The following CSMD1 variants were observed in gnomAD, a reference collection of about 807,000 sequenced individuals.
CSMD1 encodes the protein CUB and sushi domain-containing protein 1.
A neutral mutation model predicts 417.5 loss-of-function variants in CSMD1; 213 were observed. The observed-to-expected ratio is 0.51, with a 90% CI of 0.46 to 0.57. CSMD1 has a LOEUF of 0.57. Ranked by LOEUF, CSMD1 falls within the 20% of genes least tolerant of loss-of-function variation. The probability of loss-of-function intolerance (pLI) is 0.00; values close to 1 mark genes in which losing one functional copy is unlikely to be tolerated. For synonymous variants in CSMD1, 2,862 were observed against 1,736.8 expected (o/e 1.65, Z -16.11); for missense variants, 6,923 against 4,529.7 (o/e 1.53, Z -15.17).
intron 5 of CSMD1, among the ~76,000 whole-genome samples, chr8:3,957,563 A>T (rs563412827): frequency 6.6e-6 from 1 of 152,232 alleles, no homozygotes; most frequent in Non-Finnish European, 1.5e-5. Context: ...GCATACTTGT[A>T]GTCCCAGCTA....
At chr8:4,236,026 G>GTTTTTTTTTTTTTTTTTTTTTTTTTTT (rs147378202) in intron 3 of CSMD1, among the ~76,000 whole-genome samples, 3 of 108,086 alleles carry the variant, frequency 2.8e-5, no homozygotes, top group African/African-American at 1.3e-4. Context: ...AATGGATATT[G>GTTTTTTTTTTTTTTTTTTTTTTTTTTT]TTTTTTTTGT....
chr8:3,844,762 A>C (rs946065057), intron 5 of CSMD1, among the ~76,000 whole-genome samples: 1 of 152,200 alleles, frequency 6.6e-6, no homozygotes, highest in South Asian at 2.1e-4. Context: ...GTGACCTCAG[A>C]ACTTATGAGC....
At chr8:4,960,005 T>C (rs887293840) in intron 1 of CSMD1, among the ~76,000 whole-genome samples, 1 of 152,192 alleles carries the variant, frequency 6.6e-6, no homozygotes, top group Admixed American at 6.5e-5. Flanking sequence ...CTTTGCTCAC[T>C]AGGATGCAAT....
chr8:3,775,907 G>A (rs755943752), intron 5 of CSMD1, among the ~76,000 whole-genome samples: 2 of 152,150 alleles, frequency 1.3e-5, no homozygotes, highest in Non-Finnish European at 2.9e-5. Flanking sequence ...TTCTCAATGA[G>A]CTCCTCCAGT....
intron 2 of CSMD1, among the ~76,000 whole-genome samples, chr8:4,562,733 G>A (rs1236131699): frequency 6.6e-6 from 1 of 152,072 alleles, no homozygotes; most frequent in Admixed American, 6.6e-5. Flanking sequence ...CTGACCTTCA[G>A]ACAGATGCAT....
At chr8:4,743,729 T>G (rs780586956) in intron 1 of CSMD1, among the ~76,000 whole-genome samples, 1 of 152,234 alleles carries the variant, frequency 6.6e-6, no homozygotes, top group African/African-American at 2.4e-5. Flanking sequence ...GGAGATTTTC[T>G]CTGAACTATA....
At chr8:3,804,410 T>C (rs961068641) in intron 5 of CSMD1, among the ~76,000 whole-genome samples, 1 of 152,130 alleles carries the variant, frequency 6.6e-6, no homozygotes, top group Admixed American at 6.5e-5. Flanking sequence ...TTAATTAAAT[T>C]TTGTTCCAGA....
intron 52 of CSMD1, among the ~76,000 whole-genome samples, chr8:3,016,909 C>G (rs1023658110): frequency 2.0e-5 from 3 of 152,132 alleles, no homozygotes; most frequent in African/African-American, 7.2e-5. Context: ...CTCCAAAACC[C>G]TAACTTTCAG....
intron 5 of CSMD1, among the ~76,000 whole-genome samples, chr8:3,894,839 T>A (rs1807247163): frequency 6.6e-6 from 1 of 152,224 alleles, no homozygotes; most frequent in Admixed American, 6.5e-5. Flanking sequence ...GGGTTTGCTC[T>A]GGCTCTATTC....
At chr8:3,943,468 GATCA>G (rs1467224552) in intron 5 of CSMD1, among the ~76,000 whole-genome samples, 2 of 141,580 alleles carry the variant, frequency 1.4e-5, no homozygotes, top group African/African-American at 5.2e-5. Flanking sequence ...TGACAAAAAT[GATCA>G]GTCAGTGGGT....
At chr8:4,103,928 T>C (rs184937062) in intron 3 of CSMD1, among the ~76,000 whole-genome samples, 35 of 152,316 alleles carry the variant, frequency 2.3e-4, no homozygotes, top group African/African-American at 7.9e-4. Flanking sequence ...TTTGTGCCTG[T>C]GTTGCAACAT....
intron 5 of CSMD1, among the ~76,000 whole-genome samples, chr8:3,891,688 G>GC (rs1806984373): frequency 6.7e-6 from 1 of 150,034 alleles, no homozygotes; most frequent in Non-Finnish European, 1.5e-5. Flanking sequence ...GTCTCAAAAC[G>GC]AAAAAAAAAG....
At chr8:3,447,779 A>C (rs889324978) in intron 12 of CSMD1, among the ~76,000 whole-genome samples, 2 of 152,132 alleles carry the variant, frequency 1.3e-5, no homozygotes, top group Non-Finnish European at 2.9e-5. Flanking sequence ...TGGATGTGGC[A>C]GTGGATGGAG....
At chr8:4,605,733 C>T (rs933214070) in intron 2 of CSMD1, among the ~76,000 whole-genome samples, 1 of 152,184 alleles carries the variant, frequency 6.6e-6, no homozygotes, top group African/African-American at 2.4e-5. Context: ...TATCCACGAT[C>T]TGTGACTTGT....
At chr8:3,327,913 G>A (rs1308467784) in intron 23 of CSMD1, among the ~76,000 whole-genome samples, 3 of 151,956 alleles carry the variant, frequency 2.0e-5, no homozygotes, top group Admixed American at 6.6e-5. Context: ...CCTTTAATTG[G>A]GTCACCTTGA....
intron 3 of CSMD1, among the ~76,000 whole-genome samples, chr8:4,353,044 G>C (rs7001400): frequency 6.6e-6 from 1 of 152,274 alleles, no homozygotes; most frequent in South Asian, 2.1e-4. Flanking sequence ...TAATATATTA[G>C]ATTGTAGAAA....
intron 1 of CSMD1, among the ~76,000 whole-genome samples, chr8:4,644,960 C>G (rs1187961097): frequency 6.6e-6 from 1 of 152,128 alleles, no homozygotes; most frequent in African/African-American, 2.4e-5. Context: ...TCTGTGCACA[C>G]TCATAGGGAA....
chr8:3,544,241 GC>G, intron 10 of CSMD1, among the ~76,000 whole-genome samples: 1 of 152,198 alleles, frequency 6.6e-6, no homozygotes, highest in African/African-American at 2.4e-5. Flanking sequence ...AATTAAAAGT[GC>G]CCCGACATCC....
intron 2 of CSMD1, among the ~76,000 whole-genome samples, chr8:4,584,112 T>G (rs557142495): frequency 9.6e-4 from 146 of 152,058 alleles, no homozygotes; most frequent in African/African-American, 3.4e-3. Flanking sequence ...GAAGAAACTC[T>G]GAACACATCC....
Sources: gnomAD v4.1 joint callset for allele counts (sites outside exome capture counted in the v4.1 genomes callset) on GRCh38, gnomAD v4.1.1 for gene constraint, MANE v1.5 for transcripts, NCBI Gene and HGNC (gene_info 2026-07-23, HGNC 2026-07-21) for gene names.